PTK2B: variants seen among roughly 807,000 people sequenced by gnomAD.
PTK2B encodes protein tyrosine kinase 2 beta.
In PTK2B, 71 loss-of-function variants were observed where a neutral mutation model predicts 142.9. The ratio of observed to expected loss-of-function variants is 0.50; its 90% CI spans 0.41 to 0.61. The LOEUF is 0.61. PTK2B is among the 20% of genes least tolerant of loss of function. The pLI is 0.00. For missense variants in PTK2B, 1,105 were observed against 1,320.4 expected (o/e 0.84, Z 2.53); for synonymous variants, 519 against 503.4 (o/e 1.03, Z -0.42).
chr8:27,316,124 G>A (rs1803088976), intron 3 of PTK2B, among the ~76,000 whole-genome samples: 1 of 152,168 alleles, frequency 6.6e-6, no homozygotes, highest in Non-Finnish European at 1.5e-5. Flanking sequence ...TTACTCAAAA[G>A]TTCTCATAAT....
intron 3 of PTK2B, among the ~76,000 whole-genome samples, chr8:27,313,851 A>G (rs1195393163): frequency 6.6e-6 from 1 of 152,216 alleles, no homozygotes; most frequent in African/African-American, 2.4e-5. Context: ...CTGCTTTAAT[A>G]TCAATTAACA....
intron 9 of PTK2B, 95 bp downstream of exon 9, chr8:27,431,567 G>T: frequency 1.3e-6 from 2 of 1,498,466 alleles, no homozygotes; most frequent in South Asian, 1.2e-5. Context: ...AGTTCTTCTT[G>T]CCCCTGTTGC....
At chr8:27,375,905 G>A (rs1464706382) in intron 1 of PTK2B, among the ~76,000 whole-genome samples, 7 of 152,362 alleles carry the variant, frequency 4.6e-5, no homozygotes, top group Admixed American at 2.0e-4. Flanking sequence ...CCAGGCACAC[G>A]GCCATGCAAT....
chr8:27,322,173 A>AT (rs975678098), upstream of PTK2B, among the ~76,000 whole-genome samples: 40 of 151,882 alleles, frequency 2.6e-4, no homozygotes, highest in African/African-American at 3.1e-4. Flanking sequence ...GTATTTATCC[A>AT]TTTTTTTTGT....
upstream of PTK2B, among the ~76,000 whole-genome samples, chr8:27,324,182 CTCTGTCTG>C (rs1228472777): frequency 1.3e-5 from 2 of 152,344 alleles, no homozygotes; most frequent in Non-Finnish European, 2.9e-5. Context: ...TTCAGTGTAC[CTCTGTCTG>C]ACTTGCCTCT....
chr8:27,363,454 G>A lies in PTK2B; in HGVS notation c.-37-34094G>A, dbSNP rs536162739. Among the ~76,000 whole-genome samples, 6 of 152,186 alleles carry A rather than the reference G, an allele frequency of 3.9e-5. No individual in the cohort carries two copies. The highest frequency in any genetic ancestry group is 4.2e-4 in the South Asian group (2 of 4,812). The stretch of plus-strand genomic sequence containing the variant: ...AAGGTTTTTTAATAATTAGAGCTCC[G>A]AGCAATGGGACAGGTTGCAGAAATG... On this transcript the variant is annotated intron_variant, in intron 1 of 30. Transcript: ENST00000346049. This position sits in a 1 kb window ranked among gnomAD's most constrained non-coding sequence, Gnocchi z 4.3.
At chr8:27,395,748 T>C (rs1277534134) in intron 1 of PTK2B, among the ~76,000 whole-genome samples, 2 of 152,216 alleles carry the variant, frequency 1.3e-5, no homozygotes, top group African/African-American at 4.8e-5. Context: ...TAAACTGTGG[T>C]TGTGCAAGCG....
chr8:27,394,518 A>C (rs538674914), intron 1 of PTK2B, among the ~76,000 whole-genome samples: 1 of 152,350 alleles, frequency 6.6e-6, no homozygotes, highest in South Asian at 2.1e-4. Context: ...GCAGAACCGA[A>C]AGTTGCTCTC....
At chr8:27,380,045 T>C (rs936161415) in intron 1 of PTK2B, among the ~76,000 whole-genome samples, 1 of 152,204 alleles carries the variant, frequency 6.6e-6, no homozygotes, top group South Asian at 2.1e-4. Context: ...CCTGGCCCTG[T>C]GCTTTTTTGA....
intron 1 of PTK2B, chr8:27,380,632 A>G (rs1255063645): frequency 1.3e-5 from 2 of 152,190 alleles, no homozygotes; most frequent in Admixed American, 6.5e-5. Context: ...CTGCTCTAAA[A>G]TAAGAGACTC....
chr8:27,328,942 C>CTTTTTT (rs147983841), intron 1 of PTK2B, among the ~76,000 whole-genome samples: 1 of 145,952 alleles, frequency 6.9e-6, no homozygotes. Context: ...TGCGTGCAAC[C>CTTTTTT]TTTTTTTTTT....
chr8:27,459,326 T>C lies in PTK2B; in HGVS notation c.*817T>C, dbSNP rs1157240830. ...ACCCTTCTTTTCTCATGTGTTTGCA[T>C]AAACATTCTTTTAACTTCTTTCTAT... On this transcript the variant is annotated 3_prime_UTR_variant, in exon 31 of 31. Coordinates refer to ENST00000346049, the MANE Select transcript of PTK2B (RefSeq NM_173176.3). 15 of 233,282 alleles carry C rather than the reference T, an allele frequency of 6.4e-5. No homozygotes were observed. Among genetic ancestry groups the C allele is most frequent in the Non-Finnish European group, 8.5e-6 (1 of 118,100 alleles). 14.5% of individuals were successfully genotyped at this position (233,282 alleles called of 1,614,324 possible).
chr8:27,415,068 G>A (rs2082101), intron 2 of PTK2B, among the ~76,000 whole-genome samples: 34,369 of 152,152 alleles, frequency 0.23, 4,040 homozygotes, highest in Middle Eastern at 0.36. Flanking sequence ...TTTGTTGTTT[G>A]GGGGGCTGTT....
intron 21 of PTK2B, 55 bp from the exon 22 acceptor site, chr8:27,442,820 A>G (rs753250073): frequency 1.4e-6 from 2 of 1,479,826 alleles, no homozygotes; most frequent in East Asian, 4.5e-5. Flanking sequence ...AGGAGCCCCA[A>G]GGAGCGTCTC....
chr8:27,318,955 G>A (rs73241447), intron 3 of PTK2B, among the ~76,000 whole-genome samples: 112 of 150,840 alleles, frequency 7.4e-4, no homozygotes, highest in African/African-American at 2.0e-3. Flanking sequence ...CTGGCCTTTC[G>A]TGTTGTTCTT....
rs199551006 is a variant in PTK2B, at chr8:27,434,527, G to A, written c.1160G>A (p.Arg387Gln). The change falls in exon 13 of 31, where the codon CGG (arginine) becomes CAG (glutamine). Residue 387 changes from arginine to glutamine, a missense_variant. Arg to Gln is a conservative substitution (Grantham distance 43). Coordinates refer to ENST00000346049, the MANE Select transcript of PTK2B (RefSeq NM_173176.3). ...PQIPMLNLEA[R>Q]RSHLSESCSI... is the part of the protein sequence containing the mutation. ...ACCTCCTACAGAAACCTGGAGGCCC[G>A]GCGGTCCCACCTCTCAGAGAGCTGC... is the stretch of plus-strand genomic sequence containing the variant. 4.7e-5 allele frequency: 75 copies of A among 1,608,742 alleles called. No individual in the cohort carries two copies. Among genetic ancestry groups the A allele is most frequent in the Admixed American group, 8.4e-5 (5 of 59,682 alleles).
intron 1 of PTK2B, among the ~76,000 whole-genome samples, chr8:27,368,346 C>T (rs1484189149): frequency 1.3e-5 from 2 of 152,108 alleles, no homozygotes; most frequent in Non-Finnish European, 2.9e-5. Context: ...CTGCTAAGCT[C>T]CAGAAAGTCC....
At chr8:27,338,233 T>G (rs1292870412) in intron 1 of PTK2B, among the ~76,000 whole-genome samples, 1 of 152,222 alleles carries the variant, frequency 6.6e-6, no homozygotes, top group Non-Finnish European at 1.5e-5. Context: ...ATATAACCAC[T>G]CAGTACACTG....
intron 13 of PTK2B, among the ~76,000 whole-genome samples, chr8:27,434,922 C>G (rs1289639115): frequency 1.3e-5 from 2 of 152,088 alleles, no homozygotes; most frequent in Non-Finnish European, 2.9e-5. Context: ...ATAGCTTGAA[C>G]CTGGAAGGCG....
Sources: gnomAD v4.1 joint callset for allele counts (sites outside exome capture counted in the v4.1 genomes callset) on GRCh38, gnomAD v4.1.1 for gene constraint, Gnocchi (gnomAD v3.1) non-coding constraint, MANE v1.5 for transcripts, NCBI Gene and HGNC (gene_info 2026-07-23, HGNC 2026-07-21) for gene names.